IGSF21: variants seen among roughly 807,000 people sequenced by gnomAD.
IGSF21 encodes the protein immunoglobulin superfamily member 21.
IGSF21 carries 28 observed loss-of-function variants against 46.8 expected under a neutral mutation model. The observed-to-expected ratio is 0.60, with a 90% CI of 0.44 to 0.82. The LOEUF (loss-of-function observed/expected upper bound fraction) is 0.82, where lower values mean the gene tolerates loss of function less well. IGSF21 is among the 40% of genes least tolerant of loss of function. IGSF21 has a pLI of 0.00. For missense variants in IGSF21, 624 were observed against 665.5 expected, an observed-to-expected ratio of 0.94 and a Z score of 0.69; for synonymous variants, 284 against 273.6, an observed-to-expected ratio of 1.04 and a Z score of -0.38.
intron 3 of IGSF21, among the ~76,000 whole-genome samples, chr1:18,328,541 A>C (rs1175307451): frequency 6.6e-6 from 1 of 152,164 alleles, no homozygotes; most frequent in Non-Finnish European, 1.5e-5. Flanking sequence ...ATATATACTC[A>C]ACACCACAAG....
intron 2 of IGSF21, among the ~76,000 whole-genome samples, chr1:18,276,298 A>G (rs1031332206): frequency 2.0e-5 from 3 of 152,258 alleles, no homozygotes; most frequent in Admixed American, 6.5e-5. Context: ...GCAGGGGTCA[A>G]GGCAGCTTTA....
intron 1 of IGSF21, among the ~76,000 whole-genome samples, chr1:18,142,624 C>A (rs2086424522): frequency 6.6e-6 from 1 of 152,220 alleles, no homozygotes; most frequent in Non-Finnish European, 1.5e-5. Context: ...GGGCTCTGAG[C>A]CCAACAGATA....
intron 4 of IGSF21, among the ~76,000 whole-genome samples, chr1:18,350,028 G>A (rs1343726366): frequency 1.3e-5 from 2 of 152,210 alleles, no homozygotes; most frequent in East Asian, 1.9e-4. Context: ...CCCTGGCCCT[G>A]AGCCCATGGA....
chr1:18,265,844 C>G (rs539120929), intron 2 of IGSF21, among the ~76,000 whole-genome samples: 1 of 152,322 alleles, frequency 6.6e-6, no homozygotes, highest in African/African-American at 2.4e-5. Context: ...GGCTGAGGAG[C>G]GGGCAAGGTG....
At chr1:18,369,697 G>C (rs967483522) in intron 6 of IGSF21, among the ~76,000 whole-genome samples, 1 of 152,224 alleles carries the variant, frequency 6.6e-6, no homozygotes, top group Non-Finnish European at 1.5e-5. Context: ...CAAGGATTTT[G>C]AAGATCAGGC....
intron 1 of IGSF21, among the ~76,000 whole-genome samples, chr1:18,203,977 G>C (rs189472762): frequency 6.6e-6 from 1 of 152,340 alleles, no homozygotes; most frequent in East Asian, 1.9e-4. Flanking sequence ...GCCATCGCTT[G>C]CCGAGAGCTG....
At chr1:18,111,054 C>T (rs1259657289) in intron 1 of IGSF21, 8 of 152,306 alleles carry the variant, frequency 5.3e-5, no homozygotes, top group Admixed American at 4.6e-4. Flanking sequence ...GGGCTGTCTC[C>T]GCTAGGCCGC....
At chr1:18,354,119 C>G (rs1483842584) in intron 4 of IGSF21, among the ~76,000 whole-genome samples, 1 of 152,200 alleles carries the variant, frequency 6.6e-6, no homozygotes, top group African/African-American at 2.4e-5. Flanking sequence ...GCTCCAGGCA[C>G]CCAGAGGACA....
At chr1:18,351,870 A>C (rs898746225) in intron 4 of IGSF21, among the ~76,000 whole-genome samples, 2 of 152,168 alleles carry the variant, frequency 1.3e-5, no homozygotes, top group African/African-American at 2.4e-5. Flanking sequence ...ATTGCTACAT[A>C]AACTACAGAG....
chr1:18,187,816 A>AG (rs1237319532), intron 1 of IGSF21, among the ~76,000 whole-genome samples: 2 of 152,210 alleles, frequency 1.3e-5, no homozygotes, highest in Non-Finnish European at 2.9e-5. Context: ...ATAAACATTG[A>AG]GTACGTAACA....
At chr1:18,245,672 G>T (rs2084777025) in intron 2 of IGSF21, among the ~76,000 whole-genome samples, 1 of 152,102 alleles carries the variant, frequency 6.6e-6, no homozygotes, top group Non-Finnish European at 1.5e-5. Flanking sequence ...ATTGCATTTA[G>T]CAATGAGCAA....
At chr1:18,346,979 G>A (rs747398886) in intron 4 of IGSF21, among the ~76,000 whole-genome samples, 3 of 152,174 alleles carry the variant, frequency 2.0e-5, no homozygotes, top group Admixed American at 6.5e-5. Flanking sequence ...GCCTGCCACG[G>A]ACCTCCCAGC....
In IGSF21 at chr1:18,365,714, G is replaced by A. The variant is rs200703466; in HGVS notation, c.1015+17G>A. ...TCACGCTGGGTAAGACTTGGTGGGG[G>A]CCCTTCTGTAGAGCCCTTGCAGACC... On this transcript the variant is annotated intron_variant, in intron 6 of 9. Transcript: ENST00000251296. This position sits in a 1 kb window ranked among gnomAD's most constrained non-coding sequence, Gnocchi z 4.8. 34 of 1,595,166 alleles carry A rather than the reference G, an allele frequency of 2.1e-5. No individual in the cohort carries two copies. The East Asian group carries it at 4.7e-4, about 22-fold the overall frequency.
At position 18,290,983 on chromosome 1, in the gene IGSF21, G is replaced by C. The variant is rs1358995352; in HGVS notation, c.184-883G>C. On this transcript the variant is annotated intron_variant, in intron 2 of 9. Transcript: ENST00000251296. This position sits in a 1 kb window ranked among gnomAD's most constrained non-coding sequence, Gnocchi z 4.2. ...GGCTGCAAGCTCCCAGTCTATAATA[G>C]AGTTGCTGAGACAAGCGGAAAAACT... 6.6e-6 allele frequency among the ~76,000 whole-genome samples: 1 copy of C among 152,188 alleles called. No homozygotes were observed. The highest frequency in any genetic ancestry group is 1.5e-5 in the Non-Finnish European group (1 of 68,048).
chr1:18,199,533 C>A (rs920013273), intron 1 of IGSF21, among the ~76,000 whole-genome samples: 14 of 152,150 alleles, frequency 9.2e-5, no homozygotes, highest in African/African-American at 3.4e-4. Context: ...GCATCCGACT[C>A]CACAGTTCTC....
intron 1 of IGSF21, among the ~76,000 whole-genome samples, chr1:18,161,522 G>C (rs781255670): frequency 6.6e-5 from 10 of 152,082 alleles, no homozygotes; most frequent in Non-Finnish European, 1.2e-4. Context: ...GGCTTATCAG[G>C]CAGAGGCCGA....
chr1:18,146,352 G>A (rs886987548), intron 1 of IGSF21, among the ~76,000 whole-genome samples: 10 of 152,102 alleles, frequency 6.6e-5, no homozygotes, highest in African/African-American at 2.2e-4. Flanking sequence ...GATGGGTGGG[G>A]TGCAGTATGG....
rs2085753584 is a variant in IGSF21, at chr1:18,335,102, G to A, written c.424+92G>A. ...GTGCGCACAGAGTGGCCATCCTGGG[G>A]GCCATCCACCAGAAGTTCTGTTGTG... On this transcript the variant is annotated intron_variant, in intron 4 of 9. Transcript: ENST00000251296. This position sits in a 1 kb window ranked among gnomAD's most constrained non-coding sequence, Gnocchi z 4.8. The A allele has an allele frequency of 2.1e-6, 2 of 970,346 alleles. No individual in the cohort carries two copies. The highest frequency in any genetic ancestry group is 1.8e-5 in the Admixed American group (1 of 54,912). 60.1% of individuals were successfully genotyped at this position (970,346 alleles called of 1,614,324 possible). A position where few individuals can be genotyped will look rare whatever the true frequency, so the allele number is the denominator to read the frequency against.
At chr1:18,137,526 A>C (rs999283456) in intron 1 of IGSF21, among the ~76,000 whole-genome samples, 3 of 152,290 alleles carry the variant, frequency 2.0e-5, no homozygotes, top group Admixed American at 1.3e-4. Flanking sequence ...CACTTGCCCA[A>C]GATCCCGTGG....
Sources: gnomAD v4.1 joint callset for allele counts (sites outside exome capture counted in the v4.1 genomes callset) on GRCh38, gnomAD v4.1.1 for gene constraint, Gnocchi (gnomAD v3.1) non-coding constraint, MANE v1.5 for transcripts, NCBI Gene and HGNC (gene_info 2026-07-23, HGNC 2026-07-21) for gene names.